The following C3orf22 variants were observed in gnomAD, a reference collection of about 807,000 sequenced individuals.
C3orf22 encodes the protein chromosome 3 open reading frame 22.
A neutral mutation model predicts 10.8 loss-of-function variants in C3orf22; 7 were observed. The observed-to-expected ratio is 0.65, with a 90% CI of 0.37 to 1.22. The LOEUF (loss-of-function observed/expected upper bound fraction) is 1.22, where lower values mean the gene tolerates loss of function less well. C3orf22 is among the 50% of genes most tolerant of loss of function. The probability of loss-of-function intolerance (pLI) is 0.02; values close to 1 mark genes in which losing one functional copy is unlikely to be tolerated. For synonymous variants in C3orf22, 79 were observed against 78.9 expected, an observed-to-expected ratio of 1.00 and a Z score of 0.00; for missense variants, 173 against 177.0, an observed-to-expected ratio of 0.98 and a Z score of 0.13.
At chr3:126,535,659 CTGGAGA>C in intron 4 of C3orf22, among the ~76,000 whole-genome samples, 1 of 152,296 alleles carries the variant, frequency 6.6e-6, no homozygotes, top group East Asian at 1.9e-4. Context: ...CTGTCCTCAG[CTGGAGA>C]CAGACAGACA....
At chr3:126,527,437 C>G (rs894104817) in exon 6 of C3orf22, 10 of 152,366 alleles carry the variant, frequency 6.6e-5, no homozygotes, top group Admixed American at 2.6e-4. Context: ...GCCTCACTCT[C>G]AGCTGCACCA....
chr3:126,540,019 CCACACA>C (rs1434139214), intron 4 of C3orf22, among the ~76,000 whole-genome samples: 2 of 137,812 alleles, frequency 1.5e-5, no homozygotes, highest in Non-Finnish European at 3.2e-5. Flanking sequence ...CACACGCATG[CCACACA>C]CACGCACACC....
At chr3:126,551,952 A>G in intron 3 of C3orf22, 45 bp downstream of exon 3, 1 of 1,555,924 alleles carries the variant, frequency 6.4e-7, no homozygotes, top group Non-Finnish European at 8.7e-7. Flanking sequence ...GCCAGGCAGC[A>G]TGCACACAGC....
At position 126,550,004 on chromosome 3, in the gene C3orf22, AGTGG is replaced by A; in HGVS notation, c.286_289del (p.Pro96CysfsTer10). The A allele has an allele frequency of 6.2e-7, 1 of 1,614,100 alleles. No individual in the cohort carries two copies. Among genetic ancestry groups the A allele is most frequent in the Non-Finnish European group, 8.5e-7 (1 of 1,179,996 alleles). The stretch of plus-strand genomic sequence containing the variant: ...CAACTTGAGTTCCCAAAGGTTGCAC[AGTGG>A]AGGTGGTGATGGTGCTGGTAGTGGT... On this transcript the variant is annotated frameshift_variant, in exon 4 of 4. Transcript: ENST00000318225. LOFTEE classifies it low-confidence loss of function (END_TRUNC).
downstream of C3orf22, among the ~76,000 whole-genome samples, chr3:126,549,260 C>T (rs11713344): frequency 2.1e-5 from 3 of 144,742 alleles, no homozygotes; most frequent in Non-Finnish European, 4.5e-5. Flanking sequence ...CGCCCCCCCC[C>T]CCACACACAC....
At chr3:126,553,573 A>G (rs1399437488) in intron 1 of C3orf22, 143 bp from the exon 2 acceptor site, 6 of 612,982 alleles carry the variant, frequency 9.8e-6, no homozygotes, top group East Asian at 8.2e-5. Context: ...GCTGTGTTCA[A>G]TTTTCTCCTG....
intron 2 of C3orf22, 85 bp downstream of exon 2, chr3:126,553,217 C>T: frequency 1.0e-6 from 1 of 962,936 alleles, no homozygotes; most frequent in Admixed American, 1.7e-5. Context: ...CAGCTGCAGC[C>T]CCACAGAATG....
At chr3:126,542,195 G>GAT in intron 4 of C3orf22, 1 of 1,442,922 alleles carries the variant, frequency 6.9e-7, no homozygotes, top group South Asian at 1.4e-5. Context: ...CGCGCTCCCC[G>GAT]ACGCCCGGGC....
chr3:126,532,898 C>A (rs1483882375), intron 4 of C3orf22, among the ~76,000 whole-genome samples: 1 of 152,174 alleles, frequency 6.6e-6, no homozygotes, highest in Non-Finnish European at 1.5e-5. Flanking sequence ...AATCCACAAA[C>A]CTGAAATGTC....
chr3:126,528,194 C>CT (rs1936574755), intron 5 of C3orf22, among the ~76,000 whole-genome samples: 1 of 151,720 alleles, frequency 6.6e-6, no homozygotes, highest in African/African-American at 2.4e-5. Flanking sequence ...GGAAGATACT[C>CT]TAAGTTGGGG....
At chr3:126,533,082 G>C (rs937870746) in intron 4 of C3orf22, among the ~76,000 whole-genome samples, 3 of 152,070 alleles carry the variant, frequency 2.0e-5, no homozygotes, top group African/African-American at 7.2e-5. Context: ...TATTAATCTT[G>C]CATCGTGCAA....
chr3:126,552,171 T>C, intron 2 of C3orf22, 49 bp from the exon 3 acceptor site: 2 of 1,609,320 alleles, frequency 1.2e-6, no homozygotes, highest in Non-Finnish European at 1.7e-6. Flanking sequence ...ACCAGCCTCC[T>C]GAAGTAACTC....
intron 4 of C3orf22, among the ~76,000 whole-genome samples, chr3:126,544,663 G>A (rs895083297): frequency 2.0e-5 from 3 of 152,200 alleles, no homozygotes; most frequent in Admixed American, 6.5e-5. Flanking sequence ...CCTGTTTGCT[G>A]AAACTGACAC....
At chr3:126,545,076 G>A (rs556386884), downstream of C3orf22, among the ~76,000 whole-genome samples, 1 of 152,368 alleles carries the variant, frequency 6.6e-6, no homozygotes, top group African/African-American at 2.4e-5. Flanking sequence ...ATCCCAGCTG[G>A]ATCACTAGAG....
At chr3:126,541,045 G>A (rs1936947519) in intron 4 of C3orf22, among the ~76,000 whole-genome samples, 2 of 152,212 alleles carry the variant, frequency 1.3e-5, no homozygotes, top group South Asian at 2.1e-4. Flanking sequence ...GCATGGAAGC[G>A]CTGGCCTGGG....
intron 1 of C3orf22, among the ~76,000 whole-genome samples, chr3:126,556,583 A>G (rs930029313): frequency 3.3e-5 from 5 of 151,894 alleles, no homozygotes; most frequent in African/African-American, 1.2e-4. Flanking sequence ...GCCTCAGAGG[A>G]CCCAGGCCAA....
chr3:126,542,185 C>G (rs372671461), intron 4 of C3orf22: 1 of 1,442,998 alleles, frequency 6.9e-7, no homozygotes, highest in African/African-American at 1.5e-5. Context: ...TGCGGCCGCG[C>G]GCGCTCCCCG....
At chr3:126,552,691 G>A (rs1206228323) in intron 2 of C3orf22, among the ~76,000 whole-genome samples, 5 of 152,188 alleles carry the variant, frequency 3.3e-5, no homozygotes, top group Non-Finnish European at 5.9e-5. Context: ...ACTGCTGGGC[G>A]CACAACACTT....
chr3:126,530,533 C>T (rs1381613816), intron 4 of C3orf22, among the ~76,000 whole-genome samples: 1 of 152,216 alleles, frequency 6.6e-6, no homozygotes, highest in African/African-American at 2.4e-5. Context: ...CCACAGTTCC[C>T]AGGAAAGGGA....
Sources: allele counts gnomAD v4.1 joint callset (sites outside exome capture counted in the v4.1 genomes callset), GRCh38; gene constraint gnomAD v4.1.1; transcripts MANE v1.5; gene names NCBI Gene and HGNC (gene_info 2026-07-23, HGNC 2026-07-21).